Variants in PTPRO observed in about 807,000 individuals in gnomAD.
PTPRO encodes the protein protein tyrosine phosphatase receptor type O, also known as receptor-type tyrosine-protein phosphatase O.
Under a neutral mutation model 145.2 loss-of-function variants are expected in PTPRO, and 62 were observed. That is an observed-to-expected ratio of 0.43 (90% CI 0.35 to 0.53). The LOEUF is 0.53. Among genes scored for constraint, PTPRO ranks in the 20% least tolerant of loss-of-function variants. The pLI is 0.01. For synonymous variants in PTPRO, 565 were observed against 514.7 expected (o/e 1.10, Z -1.32); for missense variants, 1,345 against 1,482.7 (o/e 0.91, Z 1.53).
At chr12:15,480,703 G>A (rs1286211344) in intron 1 of PTPRO, among the ~76,000 whole-genome samples, 1 of 151,996 alleles carries the variant, frequency 6.6e-6, no homozygotes, top group Admixed American at 6.6e-5. Context: ...CTGCCCTCTG[G>A]CTATAAGCTG....
intron 1 of PTPRO, among the ~76,000 whole-genome samples, chr12:15,412,260 T>C (rs2136314076): frequency 6.6e-6 from 1 of 152,382 alleles, no homozygotes; most frequent in East Asian, 1.9e-4. Context: ...TTTTCAATAC[T>C]TTGTAAGTCC....
intron 12 of PTPRO, among the ~76,000 whole-genome samples, chr12:15,539,280 A>T (rs1227643391): frequency 2.0e-5 from 3 of 152,188 alleles, no homozygotes; most frequent in Non-Finnish European, 4.4e-5. Context: ...CATGTAACGA[A>T]ATTACACTAG....
chr12:15,402,327 G>A (rs184770481), intron 1 of PTPRO, among the ~76,000 whole-genome samples: 2 of 152,080 alleles, frequency 1.3e-5, no homozygotes, highest in Admixed American at 1.3e-4. Context: ...GGCAGAGATT[G>A]CAGTGAGCAG....
intron 1 of PTPRO, among the ~76,000 whole-genome samples, chr12:15,341,062 C>T (rs562112315): frequency 6.6e-6 from 1 of 152,168 alleles, no homozygotes; most frequent in East Asian, 1.9e-4. Context: ...TCTGACTGTT[C>T]AGTGAAATTA....
chr12:15,576,417 C>G (rs1306476394), intron 19 of PTPRO, among the ~76,000 whole-genome samples: 1 of 152,198 alleles, frequency 6.6e-6, no homozygotes, highest in Non-Finnish European at 1.5e-5. Context: ...AATTAAAGTT[C>G]TGTCAGTTAG....
chr12:15,495,452 A>C (rs1942080456), intron 2 of PTPRO, among the ~76,000 whole-genome samples: 1 of 151,058 alleles, frequency 6.6e-6, no homozygotes, highest in South Asian at 2.1e-4. Context: ...ATGTTATTGA[A>C]ATTGAAATTT....
chr12:15,479,042 T>C (rs924917006), intron 1 of PTPRO, among the ~76,000 whole-genome samples: 1 of 152,204 alleles, frequency 6.6e-6, no homozygotes, highest in African/African-American at 2.4e-5. Context: ...CCGCACTGAA[T>C]GTGCGGAAAG....
At chr12:15,578,490 G>T (rs1290674637) in intron 19 of PTPRO, among the ~76,000 whole-genome samples, 1 of 152,092 alleles carries the variant, frequency 6.6e-6, no homozygotes, top group African/African-American at 2.4e-5. Context: ...CTCACTCATG[G>T]GTCTGTGGAA....
chr12:15,388,378 T>C (rs1192187558), intron 1 of PTPRO, among the ~76,000 whole-genome samples: 1 of 152,196 alleles, frequency 6.6e-6, no homozygotes, highest in African/African-American at 2.4e-5. Context: ...ACTGTACAAT[T>C]CTGTTTTTTT....
chr12:15,519,204 C>T (rs1475630881), intron 9 of PTPRO, among the ~76,000 whole-genome samples: 1 of 152,274 alleles, frequency 6.6e-6, no homozygotes, highest in Admixed American at 6.5e-5. Flanking sequence ...CAGGAAAACT[C>T]CCCCTTACAA....
rs141018489 is a variant in PTPRO at position 15,461,566 on chromosome 12, C to CTTTTT, written c.76-22390_76-22386dup. Among the ~76,000 whole-genome samples the CTTTTT allele has an allele frequency of 1.6e-4, 11 of 70,520 alleles. 1 individual carries two copies. The highest frequency in any genetic ancestry group is 5.0e-4 in the African/African-American group (11 of 21,866). The allele number at this position is 70,520 out of a possible 152,430, so 46.3% of individuals were successfully genotyped here. On this transcript the variant is annotated intron_variant, in intron 1 of 26. Coordinates refer to ENST00000281171, the MANE Select transcript of PTPRO (RefSeq NM_030667.3). ...CCAAGTCCTTCATTTATTGCTATAGCTTTTTTTTTTTTTTTTTTTTTTGAC... is the reference window on the plus strand; with the variant it reads ...CCAAGTCCTTCATTTATTGCTATAGCTTTTTTTTTTTTTTTTTTTTTTTTTTTGAC...
chr12:15,435,302 C>T (rs1049782451), intron 1 of PTPRO, among the ~76,000 whole-genome samples: 1 of 152,116 alleles, frequency 6.6e-6, no homozygotes, highest in Non-Finnish European at 1.5e-5. Context: ...GGCATAGCTT[C>T]ACAAAACACA....
chr12:15,371,836 T>C (rs1938540327), intron 1 of PTPRO, among the ~76,000 whole-genome samples: 1 of 152,082 alleles, frequency 6.6e-6, no homozygotes, highest in Admixed American at 6.5e-5. Flanking sequence ...GATGGTTTTA[T>C]AAGGGGCTCT....
In PTPRO at chr12:15,548,601, T is replaced by C. The variant is rs138327186; in HGVS notation, c.2305-493T>C. 1.4e-4 allele frequency among the ~76,000 whole-genome samples: 22 copies of C among 152,134 alleles called. No individual in the cohort carries two copies. The East Asian group carries it at 3.9e-3, about 27-fold the overall frequency. On this transcript the variant is annotated intron_variant, in intron 13 of 26. Transcript: ENST00000281171. Reference sequence around the variant, plus strand: ...TCCCAAATTTGTGAAATGAAGTTCATTGTAGCATTGTTTGCAATAGCAAAA... The same window carrying C: ...TCCCAAATTTGTGAAATGAAGTTCACTGTAGCATTGTTTGCAATAGCAAAA...
intron 1 of PTPRO, among the ~76,000 whole-genome samples, chr12:15,430,969 G>A (rs939599438): frequency 5.9e-5 from 9 of 152,118 alleles, no homozygotes; most frequent in African/African-American, 2.2e-4. Flanking sequence ...TAGAATATAT[G>A]GAAATAGTAA....
chr12:15,478,150 G>A (rs1941699265), intron 1 of PTPRO, among the ~76,000 whole-genome samples: 1 of 152,202 alleles, frequency 6.6e-6, no homozygotes, highest in African/African-American at 2.4e-5. Flanking sequence ...AGAGCAGACT[G>A]CACATAGGGC....
At chr12:15,467,409 A>AGTGT (rs71042254) in intron 1 of PTPRO, among the ~76,000 whole-genome samples, 7,778 of 149,950 alleles carry the variant, frequency 0.052, 313 homozygotes, top group African/African-American at 0.11. Flanking sequence ...GGTAGGGGTG[A>AGTGT]GTGTGTGTGT....
chr12:15,369,746 A>G (rs1448306642), intron 1 of PTPRO, among the ~76,000 whole-genome samples: 1 of 152,110 alleles, frequency 6.6e-6, no homozygotes, highest in Non-Finnish European at 1.5e-5. Flanking sequence ...AGGCATATCA[A>G]TCAACAACAA....
intron 12 of PTPRO, among the ~76,000 whole-genome samples, chr12:15,528,611 G>A (rs1178688218): frequency 6.6e-6 from 1 of 151,890 alleles, no homozygotes; most frequent in Non-Finnish European, 1.5e-5. Flanking sequence ...GAAGTTTACT[G>A]AAAGAAATAA....
Sources: gnomAD v4.1 joint callset for allele counts (sites outside exome capture counted in the v4.1 genomes callset) on GRCh38, gnomAD v4.1.1 for gene constraint, MANE v1.5 for transcripts, NCBI Gene and HGNC (gene_info 2026-07-23, HGNC 2026-07-21) for gene names.